RSU1: variants seen among roughly 807,000 people sequenced by gnomAD.
The protein encoded by RSU1 is Ras suppressor protein 1, also known as rsu-1.
In RSU1, 26 loss-of-function variants were observed where a neutral mutation model predicts 31.1. The observed-to-expected ratio is 0.84, with a 90% CI of 0.61 to 1.16. The LOEUF (loss-of-function observed/expected upper bound fraction) is 1.16. Among genes scored for constraint, RSU1 ranks in the 50% most tolerant of loss-of-function variants. RSU1 has a pLI of 0.00. For synonymous variants in RSU1, 164 were observed against 136.3 expected (o/e 1.20, Z -1.41); for missense variants, 320 against 339.1 (o/e 0.94, Z 0.44).
At chr10:16,808,346 T>A (rs1299720985) in intron 2 of RSU1, among the ~76,000 whole-genome samples, 2 of 151,734 alleles carry the variant, frequency 1.3e-5, no homozygotes, top group African/African-American at 4.8e-5. Flanking sequence ...TCGCCAGGCG[T>A]TGTGGCAGGT....
intron 2 of RSU1, among the ~76,000 whole-genome samples, chr10:16,788,537 A>T (rs972353295): frequency 6.6e-6 from 1 of 152,230 alleles, no homozygotes; most frequent in African/African-American, 2.4e-5. Flanking sequence ...CTCACCGGAC[A>T]CAATGCATCC....
intron 8 of RSU1, among the ~76,000 whole-genome samples, chr10:16,658,266 CTT>C (rs956531052): frequency 1.3e-5 from 2 of 152,140 alleles, no homozygotes; most frequent in African/African-American, 2.4e-5. Flanking sequence ...TTAAGGTTCT[CTT>C]TTGAATTATC....
At chr10:16,814,529 T>A (rs1838486345) in intron 2 of RSU1, among the ~76,000 whole-genome samples, 1 of 151,924 alleles carries the variant, frequency 6.6e-6, no homozygotes, top group East Asian at 1.9e-4. Context: ...AATACTTGTA[T>A]ATATTAAGCA....
intron 8 of RSU1, among the ~76,000 whole-genome samples, chr10:16,693,454 A>C (rs563296042): frequency 6.6e-6 from 1 of 150,964 alleles, no homozygotes; most frequent in African/African-American, 2.4e-5. Flanking sequence ...GGTTTTCTTG[A>C]GTGTGGGACA....
chr10:16,738,938 A>C (rs1836693636), intron 7 of RSU1, among the ~76,000 whole-genome samples: 1 of 142,012 alleles, frequency 7.0e-6, no homozygotes, highest in Non-Finnish European at 1.5e-5. Context: ...TTCAACTCCC[A>C]CTTATGAACG....
At chr10:16,693,817 G>A (rs773168549) in intron 8 of RSU1, among the ~76,000 whole-genome samples, 59 of 152,088 alleles carry the variant, frequency 3.9e-4, no homozygotes, top group Non-Finnish European at 7.6e-4. Context: ...AGCCGTGATT[G>A]TGCCACTGCA....
chr10:16,792,563 G>A lies in RSU1; in HGVS notation c.110-10479C>T, dbSNP rs753267282. Among the ~76,000 whole-genome samples the A allele has an allele frequency of 1.4e-4, 22 of 152,176 alleles. 1 individual carries two copies. The highest frequency in any genetic ancestry group is 8.5e-4 in the Admixed American group (13 of 15,268). On this transcript the variant is annotated intron_variant, in intron 2 of 8. Transcript: ENST00000345264. ...TTTCACACCTCTTGTGGTTTCAAAT[G>A]TAACATGCTGGAAGAACCACCATAC... is the stretch of plus-strand genomic sequence containing the variant.
chr10:16,699,800 G>A (rs577872686), intron 7 of RSU1, among the ~76,000 whole-genome samples: 1 of 152,354 alleles, frequency 6.6e-6, no homozygotes, highest in East Asian at 1.9e-4. Context: ...AGGCAGCGCC[G>A]TGATTAGCAG....
intron 8 of RSU1, among the ~76,000 whole-genome samples, chr10:16,645,901 CACATATAT>C (rs1564298221): frequency 6.3e-4 from 32 of 50,520 alleles, no homozygotes; most frequent in African/African-American, 4.4e-3. Context: ...TATGTATATA[CACATATAT>C]GTATATATAT....
rs1315231341 is a variant in RSU1 at position 16,591,469 on chromosome 10, C to T, written c.*1925G>A. ...CTATCGTCAAACTGCTACGGCCTTT[C>T]TGGAGCGAAATTTATATTCCCAGTA... On this transcript the variant is annotated 3_prime_UTR_variant, in exon 9 of 9. Transcript: ENST00000345264. 6.6e-6 allele frequency: 1 copy of T among 152,174 alleles called. No homozygotes were observed. The highest frequency in any genetic ancestry group is 1.9e-4 in the East Asian group (1 of 5,190). The allele number at this position is 152,174 out of a possible 1,614,324, so 9.4% of individuals were successfully genotyped here. A position where few individuals can be genotyped will look rare whatever the true frequency, so the allele number is the denominator to read the frequency against.
intron 8 of RSU1, among the ~76,000 whole-genome samples, chr10:16,646,712 G>T (rs1406295236): frequency 6.6e-6 from 1 of 152,194 alleles, no homozygotes; most frequent in African/African-American, 2.4e-5. Flanking sequence ...AGATACCATG[G>T]TGGCAAGCAT....
At chr10:16,785,226 C>G (rs990464441) in intron 2 of RSU1, among the ~76,000 whole-genome samples, 3 of 151,950 alleles carry the variant, frequency 2.0e-5, no homozygotes, top group African/African-American at 7.3e-5. Flanking sequence ...AGTCTCCCAG[C>G]CTACATCTTT....
intron 8 of RSU1, among the ~76,000 whole-genome samples, chr10:16,625,225 A>G (rs1298388431): frequency 1.3e-5 from 2 of 152,104 alleles, no homozygotes; most frequent in Admixed American, 6.5e-5. Flanking sequence ...AGAGGAAGTG[A>G]GCCAGACTGG....
chr10:16,737,719 T>C (rs1836657171), intron 7 of RSU1, among the ~76,000 whole-genome samples: 2 of 151,342 alleles, frequency 1.3e-5, no homozygotes, highest in African/African-American at 4.9e-5. Context: ...AAAAACTTTT[T>C]CCTCCTCTCT....
intron 8 of RSU1, among the ~76,000 whole-genome samples, chr10:16,612,721 G>A (rs952794810): frequency 6.6e-6 from 1 of 152,142 alleles, no homozygotes; most frequent in African/African-American, 2.4e-5. Context: ...TATATTTCAG[G>A]AGTACTTGGG....
intron 3 of RSU1, among the ~76,000 whole-genome samples, chr10:16,767,775 C>A (rs1327626555): frequency 6.6e-6 from 1 of 151,974 alleles, no homozygotes; most frequent in Non-Finnish European, 1.5e-5. Context: ...ATAGGAGAGG[C>A]ATGTTATTTA....
intron 8 of RSU1, among the ~76,000 whole-genome samples, chr10:16,683,445 T>A (rs1226193266): frequency 1.3e-5 from 2 of 152,250 alleles, no homozygotes; most frequent in African/African-American, 4.8e-5. Flanking sequence ...TTTTCCACTA[T>A]AATGGTTAAT....
chr10:16,726,738 CA>C (rs972512839), intron 7 of RSU1, among the ~76,000 whole-genome samples: 4 of 151,880 alleles, frequency 2.6e-5, no homozygotes, highest in Admixed American at 6.6e-5. Context: ...AATTAGTTGC[CA>C]AAAAAATGGC....
chr10:16,671,868 G>T (rs970440692), intron 8 of RSU1, among the ~76,000 whole-genome samples: 3 of 150,430 alleles, frequency 2.0e-5, no homozygotes, highest in Non-Finnish European at 3.0e-5. Flanking sequence ...CCTTGTGATC[G>T]ACCCCCCTCG....
Sources: allele counts gnomAD v4.1 joint callset (sites outside exome capture counted in the v4.1 genomes callset), GRCh38; gene constraint gnomAD v4.1.1; transcripts MANE v1.5; gene names NCBI Gene and HGNC (gene_info 2026-07-23, HGNC 2026-07-21).